The following CASZ1 variants were observed in gnomAD, a reference collection of about 807,000 sequenced individuals.
CASZ1 encodes the protein zinc finger protein castor homolog 1.
A neutral mutation model predicts 135.2 loss-of-function variants in CASZ1; 28 were observed. The observed-to-expected ratio is 0.21, with a 90% CI of 0.15 to 0.28. The LOEUF is 0.28. CASZ1 is among the 10% of genes least tolerant of loss of function. The probability of loss-of-function intolerance (pLI) is 1.00; values close to 1 mark genes in which losing one functional copy is unlikely to be tolerated. For synonymous variants in CASZ1, 1,068 were observed against 1,073.4 expected, an observed-to-expected ratio of 0.99 and a Z score of 0.10; for missense variants, 2,161 against 2,453.3, an observed-to-expected ratio of 0.88 and a Z score of 2.52.
At chr1:10,737,282 C>G (rs1041832069) in intron 2 of CASZ1, among the ~76,000 whole-genome samples, 1 of 152,170 alleles carries the variant, frequency 6.6e-6, no homozygotes. Flanking sequence ...GGCACAGCCC[C>G]GCTCCAACCC....
Position 10,658,108 on chromosome 1 carries a change from C to T in CASZ1, c.1409+400G>A, listed in dbSNP as rs538546236. The T allele has an allele frequency of 5.2e-5, 10 of 192,402 alleles. No individual in the cohort carries two copies. In the East Asian group the frequency reaches 1.1e-3, roughly 22 times the overall value. The allele number at this position is 192,402 out of a possible 1,614,324, so 11.9% of individuals were successfully genotyped here. On this transcript the variant is annotated intron_variant, in intron 7 of 20. Coordinates refer to ENST00000377022, the MANE Select transcript of CASZ1 (RefSeq NM_001079843.3). ...TTGGCCTCCCACAGTGCTGGGATTA[C>T]AGGCATGAGCCACTGCACCTGGCCT...
intron 1 of CASZ1, among the ~76,000 whole-genome samples, chr1:10,778,465 A>C (rs117195795): frequency 6.6e-6 from 1 of 151,962 alleles, no homozygotes; most frequent in African/African-American, 2.4e-5. Flanking sequence ...GAATCACACA[A>C]TCTCACATAG....
intron 4 of CASZ1, among the ~76,000 whole-genome samples, chr1:10,691,997 T>C (rs1638784565): frequency 1.3e-5 from 2 of 152,016 alleles, no homozygotes; most frequent in South Asian, 4.1e-4. Flanking sequence ...GACCTCAGGG[T>C]CCCTTCTAGC....
At chr1:10,728,333 A>G (rs1204831608) in intron 2 of CASZ1, among the ~76,000 whole-genome samples, 1 of 152,186 alleles carries the variant, frequency 6.6e-6, no homozygotes, top group Non-Finnish European at 1.5e-5. Context: ...CCCACAGACA[A>G]CCACGCACCA....
chr1:10,665,469 C>A lies in CASZ1; in HGVS notation c.119G>T (p.Arg40Leu), dbSNP rs779099637. ...KLNAICAKLS[R>L]QVVVEKRADA... ...AGCTCGCTTCTCCACCACCACCTGG[C>A]GGCTCAGCTTGGCGCAGATGGCGTT... Residue 40 changes from arginine to leucine, a missense_variant, in exon 5 of 21, where the codon CGC (arginine) becomes CTC (leucine). Around this residue, in one of 7 missense-constraint regions of CASZ1, gnomAD observed 590 missense variants for 609.8 expected, o/e 0.97. Transcript: ENST00000377022. 3 of 1,609,146 alleles carry A rather than the reference C, an allele frequency of 1.9e-6. No homozygotes were observed. Among genetic ancestry groups the A allele is most frequent in the Non-Finnish European group, 2.5e-6 (3 of 1,179,774 alleles).
At chr1:10,675,151 C>G (rs896344771) in intron 4 of CASZ1, among the ~76,000 whole-genome samples, 3 of 152,236 alleles carry the variant, frequency 2.0e-5, no homozygotes, top group Non-Finnish European at 4.4e-5. Flanking sequence ...GCAGGTCCCC[C>G]CTCCTGACGA....
chr1:10,723,587 C>T (rs1557532986), intron 2 of CASZ1, among the ~76,000 whole-genome samples: 2 of 152,180 alleles, frequency 1.3e-5, no homozygotes, highest in Non-Finnish European at 2.9e-5. Flanking sequence ...GGGGTTAGGC[C>T]AGCTTCCTGG....
intron 4 of CASZ1, among the ~76,000 whole-genome samples, chr1:10,677,071 T>TGGGGCTCCATCGCCCCCC (rs1553130254): frequency 6.6e-6 from 1 of 152,128 alleles, no homozygotes; most frequent in Non-Finnish European, 1.5e-5. Flanking sequence ...CAGAGCCCCC[T>TGGGGCTCCATCGCCCCCC]GGGGCTCCAT....
At chr1:10,691,096 CCT>C (rs1254446353) in intron 4 of CASZ1, among the ~76,000 whole-genome samples, 1 of 127,612 alleles carries the variant, frequency 7.8e-6, no homozygotes, top group Admixed American at 7.8e-5. Flanking sequence ...TCCCTCCCTC[CCT>C]CTCTTTCCTT....
chr1:10,764,824 A>G (rs1171208341), intron 1 of CASZ1, among the ~76,000 whole-genome samples: 2 of 152,152 alleles, frequency 1.3e-5, no homozygotes, highest in East Asian at 1.9e-4. Flanking sequence ...GGCCGGGCTG[A>G]AAAGGGGGGA....
intron 4 of CASZ1, among the ~76,000 whole-genome samples, chr1:10,690,342 C>A (rs1638723812): frequency 6.6e-6 from 1 of 152,210 alleles, no homozygotes; most frequent in African/African-American, 2.4e-5. Context: ...CACACTGGGG[C>A]TGGGTTGGGG....
intron 4 of CASZ1, among the ~76,000 whole-genome samples, chr1:10,668,412 G>A (rs1436828442): frequency 1.4e-4 from 21 of 152,366 alleles, no homozygotes; most frequent in Admixed American, 7.8e-4. Flanking sequence ...CAGCCTGCCC[G>A]CTGCTCTATT....
In CASZ1 at chr1:10,669,153, C is replaced by T. The variant is rs151086990; in HGVS notation, c.17-3582G>A. ...TAAGGCATGACTTGTAACGGCCCAG[C>T]GGAGCCGGCACTGTCATTGTCCCAT... is the stretch of plus-strand genomic sequence containing the variant. On this transcript the variant is annotated intron_variant, in intron 4 of 20. Coordinates refer to ENST00000377022, the MANE Select transcript of CASZ1 (RefSeq NM_001079843.3). Among the ~76,000 whole-genome samples, 272 of 152,328 alleles carry T rather than the reference C, an allele frequency of 1.8e-3. 2 individuals are homozygous for T. The highest frequency in any genetic ancestry group is 6.0e-3 in the African/African-American group (248 of 41,574).
chr1:10,647,622 G>A lies in CASZ1; in HGVS notation c.3497+179C>T. The stretch of plus-strand genomic sequence containing the variant: ...GGGCTGGCCTGCTCTGGGACAGGCA[G>A]TGAGGTAGGAGCAGCAGCATCTTTG... On this transcript the variant is annotated intron_variant, in intron 16 of 20. Coordinates refer to ENST00000377022, the MANE Select transcript of CASZ1 (RefSeq NM_001079843.3). This position sits in a 1 kb window ranked among gnomAD's most constrained non-coding sequence, Gnocchi z 4.9. 1 of 1,452,878 alleles carries A rather than the reference G, an allele frequency of 6.9e-7. No homozygotes were observed. Among genetic ancestry groups the A allele is most frequent in the Non-Finnish European group, 9.0e-7 (1 of 1,106,018 alleles). 90.0% of individuals were successfully genotyped at this position (1,452,878 alleles called of 1,614,324 possible). A position where few individuals can be genotyped will look rare whatever the true frequency, so the allele number is the denominator to read the frequency against.
chr1:10,775,183 C>T (rs1352072645), intron 1 of CASZ1, among the ~76,000 whole-genome samples: 12 of 152,242 alleles, frequency 7.9e-5, no homozygotes, highest in Admixed American at 6.5e-4. Context: ...CCCAGTGCAT[C>T]GCTTTGGGCC....
intron 4 of CASZ1, among the ~76,000 whole-genome samples, chr1:10,669,283 G>A (rs532903516): frequency 4.6e-5 from 7 of 152,160 alleles, no homozygotes; most frequent in Non-Finnish European, 7.4e-5. Context: ...CCCCTAAGCC[G>A]GCCCTAGGAA....
At chr1:10,793,730 G>A (rs183473540) in intron 1 of CASZ1, among the ~76,000 whole-genome samples, 1 of 150,640 alleles carries the variant, frequency 6.6e-6, no homozygotes, top group Non-Finnish European at 1.5e-5. Context: ...TGGCGGGGGG[G>A]CGGGGCGGCG....
intron 17 of CASZ1, among the ~76,000 whole-genome samples, chr1:10,645,655 G>T (rs1171375586): frequency 6.6e-6 from 1 of 152,208 alleles, no homozygotes; most frequent in Non-Finnish European, 1.5e-5. Flanking sequence ...TTCCCTGTAT[G>T]TCTAGACCTG....
intron 20 of CASZ1, among the ~76,000 whole-genome samples, chr1:10,640,403 G>A (rs904119563): frequency 2.6e-5 from 4 of 152,204 alleles, no homozygotes; most frequent in African/African-American, 4.8e-5. Context: ...GAAGCTGAAG[G>A]GGGAATCTAG....
Sources: gnomAD v4.1 joint callset for allele counts (sites outside exome capture counted in the v4.1 genomes callset) on GRCh38, gnomAD v4.1.1 for gene constraint, gnomAD v4.1.1 regional missense constraint, Gnocchi (gnomAD v3.1) non-coding constraint, MANE v1.5 for transcripts, NCBI Gene and HGNC (gene_info 2026-07-23, HGNC 2026-07-21) for gene names.